The following RAE1 variants were observed in gnomAD, a reference collection of about 807,000 sequenced individuals.
RAE1 encodes mRNA export factor RAE1.
RAE1 carries 13 observed loss-of-function variants against 52.7 expected under a neutral mutation model. The ratio of observed to expected loss-of-function variants is 0.25; its 90% confidence interval spans 0.16 to 0.39. The LOEUF is 0.39. RAE1 is among the 10% of genes least tolerant of loss of function. The pLI is 1.00. For missense variants in RAE1, 262 were observed against 459.8 expected (o/e 0.57, Z 3.93); for synonymous variants, 164 against 153.1 (o/e 1.07, Z -0.52).
intron 1 of RAE1, among the ~76,000 whole-genome samples, chr20:57,352,169 A>C (rs1168785375): frequency 7.6e-6 from 1 of 131,756 alleles, no homozygotes; most frequent in South Asian, 2.4e-4. Context: ...TGAAGTATAA[A>C]ATAACATTAA....
intron 10 of RAE1, among the ~76,000 whole-genome samples, chr20:57,374,404 G>A (rs138410682): frequency 6.6e-6 from 1 of 152,192 alleles, no homozygotes; most frequent in African/African-American, 2.4e-5. Context: ...CTGGTGTGCA[G>A]CCCTCACAGG....
chr20:57,352,032 G>C (rs78114275), intron 1 of RAE1: 4 of 940,500 alleles, frequency 4.3e-6, no homozygotes, highest in Middle Eastern at 5.4e-4. Context: ...CAGCATTCTG[G>C]GGGGGAAGAG....
chr20:57,367,674 A>C (rs1352133546), intron 7 of RAE1, among the ~76,000 whole-genome samples: 1 of 147,616 alleles, frequency 6.8e-6, no homozygotes, highest in Non-Finnish European at 1.5e-5. Context: ...CAGCAAGTAG[A>C]GGTTGAAGTG....
chr20:57,375,634 T>C (rs538056968), intron 11 of RAE1, among the ~76,000 whole-genome samples: 14 of 152,260 alleles, frequency 9.2e-5, no homozygotes, highest in African/African-American at 1.2e-4. Context: ...ACCATTTCCA[T>C]GTATATTAAG....
Position 57,365,336 on chromosome 20 carries a change from T to C in RAE1, c.289-20T>C, listed in dbSNP as rs1437386068. ...ATTTAATTTTTCTTAAAATGCAAAA[T>C]TTTCTCCATTTTATTTTAGGATGGG... On this transcript the variant is annotated intron_variant, in intron 4 of 11. Transcript: ENST00000395841. 5 of 1,573,962 alleles carry C rather than the reference T, an allele frequency of 3.2e-6. No homozygotes were observed. The highest frequency in any genetic ancestry group is 4.4e-6 in the Non-Finnish European group (5 of 1,149,166).
Position 57,378,255 on chromosome 20 carries a change from C to T in RAE1, c.*156C>T, listed in dbSNP as rs961585987. On this transcript the variant is annotated 3_prime_UTR_variant, in exon 12 of 12. Coordinates refer to ENST00000395841, the MANE Select transcript of RAE1 (RefSeq NM_003610.4). ...ATTGTTCAGCAGCTGAGAGCCCAGGCGTCCGCGGCGACTTGCCGTCTCTCC... is the reference window on the plus strand; with the variant it reads ...ATTGTTCAGCAGCTGAGAGCCCAGGTGTCCGCGGCGACTTGCCGTCTCTCC... 30 of 605,916 alleles carry T rather than the reference C, an allele frequency of 5.0e-5. No homozygotes were observed. Among genetic ancestry groups the T allele is most frequent in the African/African-American group, 9.2e-5 (5 of 54,122 alleles). 37.5% of individuals were successfully genotyped at this position (605,916 alleles called of 1,614,324 possible). A position where few individuals can be genotyped will look rare whatever the true frequency, so the allele number is the denominator to read the frequency against.
intron 4 of RAE1, among the ~76,000 whole-genome samples, chr20:57,360,679 GA>G (rs1219806633): frequency 6.6e-6 from 1 of 152,206 alleles, no homozygotes; most frequent in African/African-American, 2.4e-5. Context: ...TTACAACTTA[GA>G]TGGAGCTTAG....
At chr20:57,373,836 A>C (rs2067071828) in intron 10 of RAE1, 98 bp downstream of exon 10, 1 of 1,244,344 alleles carries the variant, frequency 8.0e-7, no homozygotes, top group African/African-American at 1.5e-5. Context: ...ATCACTGAAG[A>C]GCTTGTGTGT....
chr20:57,365,768 T>C (rs140011774), intron 5 of RAE1, among the ~76,000 whole-genome samples: 31 of 152,318 alleles, frequency 2.0e-4, no homozygotes, highest in African/African-American at 7.2e-4. Flanking sequence ...TGTGACCTCG[T>C]GCATGGCTGG....
At chr20:57,351,659 T>C (rs1600699763) in intron 1 of RAE1, 1 of 985,560 alleles carries the variant, frequency 1.0e-6, no homozygotes, top group Non-Finnish European at 1.2e-6. Context: ...AAGGGTCACA[T>C]TGCGTTAATG....
intron 1 of RAE1, among the ~76,000 whole-genome samples, chr20:57,352,501 T>A (rs1189352999): frequency 6.6e-6 from 1 of 152,200 alleles, no homozygotes; most frequent in Non-Finnish European, 1.5e-5. Flanking sequence ...GTCCCACAGA[T>A]GACTGTGCCT....
chr20:57,353,498 C>T (rs950963873), intron 1 of RAE1, among the ~76,000 whole-genome samples: 5 of 152,312 alleles, frequency 3.3e-5, no homozygotes, highest in Admixed American at 6.5e-5. Context: ...AAAACTTTTA[C>T]GAAGAAATTG....
chr20:57,372,285 C>T (rs1305196061), intron 8 of RAE1: 1 of 152,276 alleles, frequency 6.6e-6, no homozygotes, highest in Non-Finnish European at 1.5e-5. Context: ...AGCCTAAGCC[C>T]TTCCCTGCCT....
rs941487291 is a variant in RAE1, at chr20:57,356,369, C to T, written c.196-77C>T. On this transcript the variant is annotated intron_variant, in intron 3 of 11. Coordinates refer to ENST00000395841, the MANE Select transcript of RAE1 (RefSeq NM_003610.4). ...AGTCTATGTATGGTTAAGGTGTACC[C>T]CATTAGTTTTTAGGTGTTAAATGCA... 9 of 1,107,848 alleles carry T rather than the reference C, an allele frequency of 8.1e-6. No homozygotes were observed. In the African/African-American group the frequency reaches 1.1e-4, roughly 13 times the overall value. The allele number at this position is 1,107,848 out of a possible 1,614,324, so 68.6% of individuals were successfully genotyped here. A position where few individuals can be genotyped will look rare whatever the true frequency, so the allele number is the denominator to read the frequency against.
At chr20:57,366,092 C>T (rs567621503) in intron 5 of RAE1, among the ~76,000 whole-genome samples, 3 of 152,236 alleles carry the variant, frequency 2.0e-5, no homozygotes, top group East Asian at 3.9e-4. Flanking sequence ...CTCTTAATTC[C>T]CATCACCTCA....
chr20:57,367,108 A>C, intron 7 of RAE1, 29 bp downstream of exon 7: 1 of 1,497,634 alleles, frequency 6.7e-7, no homozygotes, highest in South Asian at 1.2e-5. Context: ...ATATGTATTT[A>C]CTTTAAAAAA....
chr20:57,354,375 G>A (rs75044762), intron 2 of RAE1, among the ~76,000 whole-genome samples: 1,724 of 152,282 alleles, frequency 0.011, 32 homozygotes, highest in African/African-American at 0.039. Flanking sequence ...CCAGGGCCTG[G>A]CCCAGCCAGG....
intron 4 of RAE1, among the ~76,000 whole-genome samples, chr20:57,361,629 G>A (rs569581752): frequency 9.5e-4 from 145 of 152,258 alleles, no homozygotes; most frequent in African/African-American, 3.3e-3. Flanking sequence ...ATGTCAGTCC[G>A]GAATATTCAG....
intron 10 of RAE1, among the ~76,000 whole-genome samples, chr20:57,374,036 G>C (rs1216546003): frequency 2.0e-5 from 3 of 152,138 alleles, no homozygotes; most frequent in Non-Finnish European, 4.4e-5. Context: ...TGGGACTACA[G>C]GCGCCCAGCT....
Sources: allele counts gnomAD v4.1 joint callset (sites outside exome capture counted in the v4.1 genomes callset), GRCh38; gene constraint gnomAD v4.1.1; transcripts MANE v1.5; gene names NCBI Gene and HGNC (gene_info 2026-07-23, HGNC 2026-07-21).